The following IL1RAPL2 variants were observed in gnomAD, a reference collection of about 807,000 sequenced individuals.
The protein encoded by IL1RAPL2 is X-linked interleukin-1 receptor accessory protein-like 2.
IL1RAPL2 carries 3 observed loss-of-function variants against 44.1 expected under a neutral mutation model. The observed-to-expected ratio is 0.07, with a 90% confidence interval of 0.03 to 0.18. The LOEUF is 0.18. IL1RAPL2 is among the 10% of genes least tolerant of loss of function. The probability of loss-of-function intolerance (pLI) is 1.00; values close to 1 mark genes in which losing one functional copy is unlikely to be tolerated. For missense variants in IL1RAPL2, 391 were observed against 496.4 expected (o/e 0.79, Z 2.02); for synonymous variants, 181 against 178.8 (o/e 1.01, Z -0.10).
At chrX:104,571,717 AG>A (rs1255057050) in intron 1 of IL1RAPL2, among the ~76,000 whole-genome samples, 1 of 111,977 alleles carries the variant, frequency 8.9e-6, no homozygotes, top group Non-Finnish European at 1.9e-5. Context: ...TGTCTTTATT[AG>A]CAGTATGAGA....
intron 5 of IL1RAPL2, among the ~76,000 whole-genome samples, chrX:105,297,158 A>G (rs1001213494): frequency 8.9e-5 from 10 of 111,992 alleles, no homozygotes; most frequent in Non-Finnish European, 1.9e-4. Flanking sequence ...CATACCAGGC[A>G]GAGGGAGCTG....
intron 2 of IL1RAPL2, among the ~76,000 whole-genome samples, chrX:104,714,782 T>C (rs1931525402): frequency 9.0e-6 from 1 of 111,296 alleles, no homozygotes; most frequent in Non-Finnish European, 1.9e-5. Flanking sequence ...TGACTGACAT[T>C]TGTTGATTTG....
chrX:105,121,936 C>G (rs1293178211), intron 2 of IL1RAPL2, among the ~76,000 whole-genome samples: 2 of 110,804 alleles, frequency 1.8e-5, no homozygotes, highest in African/African-American at 6.6e-5. Context: ...GTTCTTGTTT[C>G]CAATAGCACT....
intron 6 of IL1RAPL2, among the ~76,000 whole-genome samples, chrX:105,587,778 C>T (rs1250634705): frequency 1.8e-5 from 2 of 111,972 alleles, no homozygotes; most frequent in Non-Finnish European, 3.8e-5. Flanking sequence ...GAGGCTCACA[C>T]CTGTAATCCC....
intron 6 of IL1RAPL2, among the ~76,000 whole-genome samples, chrX:105,508,579 T>C (rs1437466164): frequency 9.1e-6 from 1 of 110,057 alleles, no homozygotes; most frequent in Admixed American, 9.7e-5. Context: ...GGTGATGCAC[T>C]TAAGGCATCA....
chrX:104,795,235 G>A (rs1336176753), intron 2 of IL1RAPL2, among the ~76,000 whole-genome samples: 2 of 111,251 alleles, frequency 1.8e-5, no homozygotes, highest in East Asian at 5.7e-4. Flanking sequence ...GAGCTGCATA[G>A]CACATATTCT....
At chrX:105,268,195 A>G (rs914497366) in intron 5 of IL1RAPL2, among the ~76,000 whole-genome samples, 3 of 110,207 alleles carry the variant, frequency 2.7e-5, no homozygotes, top group African/African-American at 1.0e-4. Context: ...AATGAATGTG[A>G]TGGAACCTGA....
At chrX:105,162,916 C>T (rs1246040968) in intron 2 of IL1RAPL2, among the ~76,000 whole-genome samples, 3 of 111,172 alleles carry the variant, frequency 2.7e-5, no homozygotes, top group Non-Finnish European at 5.7e-5. Context: ...CCTCAAAGGC[C>T]GCACCTCGTA....
At chrX:105,375,474 G>T (rs2035380734) in intron 5 of IL1RAPL2, among the ~76,000 whole-genome samples, 1 of 111,780 alleles carries the variant, frequency 8.9e-6, no homozygotes, top group Non-Finnish European at 1.9e-5. Context: ...TTGCGCCACT[G>T]CACTCCAGCA....
intron 2 of IL1RAPL2, among the ~76,000 whole-genome samples, chrX:105,080,168 T>C (rs2032382899): frequency 8.9e-6 from 1 of 112,196 alleles, no homozygotes; most frequent in Non-Finnish European, 1.9e-5. Flanking sequence ...ATTCTGTAGG[T>C]TGCCTGTTCA....
chrX:104,659,432 G>T (rs982944712), intron 2 of IL1RAPL2, among the ~76,000 whole-genome samples: 1 of 111,614 alleles, frequency 9.0e-6, no homozygotes, highest in Admixed American at 9.6e-5. Flanking sequence ...CTAACAGGCA[G>T]GGGTCTACAG....
At chrX:105,388,073 A>G (rs113568186) in intron 5 of IL1RAPL2, among the ~76,000 whole-genome samples, 14,596 of 97,869 alleles carry the variant, frequency 0.15, 2,864 homozygotes, top group African/African-American at 0.52. Flanking sequence ...GCTTGAACCC[A>G]GAAGGCAGAG....
At chrX:104,927,774 A>G (rs951889638) in intron 2 of IL1RAPL2, among the ~76,000 whole-genome samples, 3 of 111,844 alleles carry the variant, frequency 2.7e-5, no homozygotes, top group African/African-American at 6.5e-5. Flanking sequence ...TTAGAATACA[A>G]TGCATTTTGA....
rs1331255711 is a variant in IL1RAPL2 at position 105,691,830 on chromosome X, AT to A, written c.773-25528del. ...TGAAATGCAAATGGAAACAAAACTGATTTTTTTTTATGAAGAAGGGTGGCAT... is the reference window on the plus strand; with the variant it reads ...TGAAATGCAAATGGAAACAAAACTGATTTTTTTTATGAAGAAGGGTGGCAT... On this transcript the variant is annotated intron_variant, in intron 6 of 10. Transcript: ENST00000372582. Among the ~76,000 whole-genome samples, 5 of 110,520 alleles carry A rather than the reference AT, an allele frequency of 4.5e-5. No individual in the cohort carries two copies. The South Asian group carries it at 1.1e-3, about 25-fold the overall frequency.
At chrX:105,425,977 CAT>C (rs1021745332) in intron 5 of IL1RAPL2, among the ~76,000 whole-genome samples, 1 of 108,416 alleles carries the variant, frequency 9.2e-6, no homozygotes, top group African/African-American at 3.3e-5. Flanking sequence ...TCTGCCAAAA[CAT>C]GTATCAAAAT....
intron 5 of IL1RAPL2, among the ~76,000 whole-genome samples, chrX:105,336,775 A>G (rs369162519): frequency 8.9e-6 from 1 of 112,200 alleles, no homozygotes. Context: ...CAAGTGATAC[A>G]TAATACCTTC....
chrX:105,356,184 G>T (rs753238338), intron 5 of IL1RAPL2, among the ~76,000 whole-genome samples: 1,244 of 108,204 alleles, frequency 0.011, 22 homozygotes, highest in African/African-American at 0.041. Context: ...GTGTGTGTGT[G>T]GTTTGTTTCT....
chrX:105,270,166 T>A (rs1466142974), intron 5 of IL1RAPL2, among the ~76,000 whole-genome samples: 6 of 111,623 alleles, frequency 5.4e-5, no homozygotes, highest in African/African-American at 1.6e-4. Context: ...GGAATTTACC[T>A]TTTTGTCCAG....
chrX:104,765,731 G>A (rs1932542045), intron 2 of IL1RAPL2, among the ~76,000 whole-genome samples: 1 of 111,907 alleles, frequency 8.9e-6, no homozygotes. Context: ...TTGTTTTGTG[G>A]ACCTTTTCAG....
Sources: allele counts gnomAD v4.1 joint callset (sites outside exome capture counted in the v4.1 genomes callset), GRCh38; gene constraint gnomAD v4.1.1; transcripts MANE v1.5; gene names NCBI Gene and HGNC (gene_info 2026-07-23, HGNC 2026-07-21).